BMPR2: variants seen among roughly 807,000 people sequenced by gnomAD.
BMPR2 encodes the protein bone morphogenetic protein receptor type-2.
BMPR2 carries 29 observed loss-of-function variants against 100.8 expected under a neutral mutation model. The ratio of observed to expected loss-of-function variants is 0.29; its 90% CI spans 0.21 to 0.39. BMPR2 has a LOEUF of 0.39. Ranked by LOEUF, BMPR2 falls within the 10% of genes least tolerant of loss-of-function variation. BMPR2 has a pLI of 1.00. For missense variants in BMPR2, 1,011 were observed against 1,274.5 expected, an observed-to-expected ratio of 0.79 and a Z score of 3.15; for synonymous variants, 382 against 442.3, an observed-to-expected ratio of 0.86 and a Z score of 1.71.
chr2:202,544,322 G>A (rs1356987499), intron 10 of BMPR2, among the ~76,000 whole-genome samples: 6 of 152,074 alleles, frequency 3.9e-5, no homozygotes, highest in Non-Finnish European at 8.8e-5. Context: ...ATGTGTATTA[G>A]TATGTGTATG....
At chr2:202,490,912 GTTTTTGTTTTTTGTTTTGT>G (rs957801397) in intron 3 of BMPR2, among the ~76,000 whole-genome samples, 22 of 152,008 alleles carry the variant, frequency 1.4e-4, no homozygotes, top group African/African-American at 4.6e-4. Context: ...ATGTTTTTTT[GTTTTTGTTTTTTGTTTTGT>G]TTTTTGTTTT....
Position 202,377,166 on chromosome 2 carries a change from T to G in BMPR2, c.-309T>G. On this transcript the variant is annotated 5_prime_UTR_variant, in exon 1 of 13. An upstream open reading frame in the 5' UTR loses its in-frame stop. Transcript: ENST00000374580. Reference sequence around the variant, plus strand: ...TGATATCGTGAAACTACGAGGGAAATAATTTGGGGGATTTCTTCTTGGCTC... The same window carrying G: ...TGATATCGTGAAACTACGAGGGAAAGAATTTGGGGGATTTCTTCTTGGCTC... 1.7e-6 allele frequency: 1 copy of G among 583,136 alleles called. No homozygotes were observed. 36.1% of individuals were successfully genotyped at this position (583,136 alleles called of 1,614,324 possible). A position where few individuals can be genotyped will look rare whatever the true frequency, so the allele number is the denominator to read the frequency against.
chr2:202,502,245 C>A (rs1187648129), intron 3 of BMPR2, among the ~76,000 whole-genome samples: 1 of 152,068 alleles, frequency 6.6e-6, no homozygotes, highest in East Asian at 1.9e-4. Context: ...TTATTGCACA[C>A]AATGCAAAAA....
chr2:202,394,319 C>G (rs2105905671), intron 1 of BMPR2, among the ~76,000 whole-genome samples: 1 of 151,408 alleles, frequency 6.6e-6, no homozygotes, highest in South Asian at 2.1e-4. Flanking sequence ...CCATTGCACT[C>G]CAGCCTAGGC....
chr2:202,474,153 T>G (rs1692491248), intron 3 of BMPR2, among the ~76,000 whole-genome samples: 1 of 151,022 alleles, frequency 6.6e-6, no homozygotes. Context: ...CTGTGCAAAC[T>G]TAGCAAAGAA....
chr2:202,400,524 A>C (rs1444552172), intron 1 of BMPR2, among the ~76,000 whole-genome samples: 1 of 152,130 alleles, frequency 6.6e-6, no homozygotes, highest in Non-Finnish European at 1.5e-5. Flanking sequence ...CTATGCCTTG[A>C]CTGAAAACTA....
intron 9 of BMPR2, 81 bp from the exon 10 acceptor site, chr2:202,542,230 G>A (rs1281433531): frequency 2.3e-5 from 35 of 1,521,476 alleles, no homozygotes; most frequent in Non-Finnish European, 3.2e-5. Context: ...TTGCTTACTT[G>A]GTATCAGAAA....
chr2:202,517,289 A>C (rs1490653849), intron 5 of BMPR2, among the ~76,000 whole-genome samples: 1 of 151,252 alleles, frequency 6.6e-6, no homozygotes, highest in Non-Finnish European at 1.5e-5. Flanking sequence ...CACATACCAC[A>C]AATCTGTTTG....
intron 3 of BMPR2, among the ~76,000 whole-genome samples, chr2:202,508,579 C>A (rs1456500146): frequency 6.6e-6 from 1 of 152,222 alleles, no homozygotes; most frequent in Non-Finnish European, 1.5e-5. Flanking sequence ...AGAATGTCCA[C>A]TCAGCAGCAA....
intron 1 of BMPR2, among the ~76,000 whole-genome samples, chr2:202,385,909 G>A (rs968196490): frequency 7.2e-5 from 11 of 152,030 alleles, no homozygotes; most frequent in African/African-American, 1.9e-4. Context: ...ACTTCTGTGC[G>A]TATGTCCTGC....
chr2:202,436,760 A>C (rs1187724962), intron 1 of BMPR2, among the ~76,000 whole-genome samples: 3 of 150,564 alleles, frequency 2.0e-5, no homozygotes, highest in Non-Finnish European at 4.4e-5. Context: ...AAAATGATGT[A>C]TTCTTTTCAT....
chr2:202,419,479 CCTG>C (rs1460605436), intron 1 of BMPR2, among the ~76,000 whole-genome samples: 2 of 152,132 alleles, frequency 1.3e-5, no homozygotes, highest in Non-Finnish European at 2.9e-5. Context: ...GCCTTAGCCT[CCTG>C]AGTAGCTGGG....
chr2:202,379,892 C>CGA (rs919153973), intron 1 of BMPR2, among the ~76,000 whole-genome samples: 1 of 150,882 alleles, frequency 6.6e-6, no homozygotes, highest in Non-Finnish European at 1.5e-5. Context: ...GAGTATCACT[C>CGA]TGTCGCCCAG....
At chr2:202,511,898 A>G (rs890701254) in intron 3 of BMPR2, among the ~76,000 whole-genome samples, 1 of 151,978 alleles carries the variant, frequency 6.6e-6, no homozygotes, top group Non-Finnish European at 1.5e-5. Context: ...CTACAAACCT[A>G]TAATCCCAGC....
intron 1 of BMPR2, among the ~76,000 whole-genome samples, chr2:202,387,666 G>A (rs937018045): frequency 1.3e-5 from 2 of 152,162 alleles, no homozygotes; most frequent in Non-Finnish European, 2.9e-5. Flanking sequence ...TCAAATGTCA[G>A]TGGATAATAA....
chr2:202,551,477 T>C (rs1266368109), intron 10 of BMPR2, among the ~76,000 whole-genome samples: 2 of 151,736 alleles, frequency 1.3e-5, no homozygotes, highest in African/African-American at 4.8e-5. Context: ...TGAGCAGAGA[T>C]CGTGCCACTG....
chr2:202,428,396 TTC>T (rs201747210), intron 1 of BMPR2, among the ~76,000 whole-genome samples: 12 of 142,618 alleles, frequency 8.4e-5, no homozygotes, highest in East Asian at 2.7e-4. Context: ...CTCTCTCTCT[TTC>T]TCTCTCTCTT....
At chr2:202,477,774 G>A (rs752898816) in intron 3 of BMPR2, among the ~76,000 whole-genome samples, 2 of 152,056 alleles carry the variant, frequency 1.3e-5, no homozygotes, top group Non-Finnish European at 2.9e-5. Flanking sequence ...GCGACAGAGT[G>A]AGACTCCATC....
intron 3 of BMPR2, among the ~76,000 whole-genome samples, chr2:202,486,355 A>G (rs1692777483): frequency 6.6e-6 from 1 of 152,140 alleles, no homozygotes; most frequent in Admixed American, 6.6e-5. Context: ...CAGGCCGGGC[A>G]GGGTGGCTCA....
Sources: allele counts gnomAD v4.1 joint callset (sites outside exome capture counted in the v4.1 genomes callset), GRCh38; gene constraint gnomAD v4.1.1; transcripts MANE v1.5; gene names NCBI Gene and HGNC (gene_info 2026-07-23, HGNC 2026-07-21).